Variants in NPC1 observed in about 807,000 individuals in gnomAD.
NPC1 encodes NPC intracellular cholesterol transporter 1, also known as Niemann-Pick C1 protein.
In NPC1, 85 loss-of-function variants were observed where a neutral mutation model predicts 140.4. That is an observed-to-expected ratio of 0.61 (90% CI 0.51 to 0.72). NPC1 has a LOEUF of 0.72. NPC1 is among the 30% of genes least tolerant of loss of function. The pLI, the probability that NPC1 is intolerant of heterozygous loss-of-function variation, is 0.00. For synonymous variants in NPC1, 656 were observed against 624.8 expected (o/e 1.05, Z -0.74); for missense variants, 1,504 against 1,623.8 (o/e 0.93, Z 1.27).
At chr18:23,548,339 CTTT>C (rs34182768) in intron 10 of NPC1, among the ~76,000 whole-genome samples, 54 of 136,148 alleles carry the variant, frequency 4.0e-4, no homozygotes, top group African/African-American at 9.5e-4. Flanking sequence ...AAGAGTAACT[CTTT>C]TTTTTTTTTT....
chr18:23,512,043 C>T (rs2057873744), intron 3 of NPC1, among the ~76,000 whole-genome samples: 2 of 132,782 alleles, frequency 1.5e-5, no homozygotes, highest in Non-Finnish European at 3.1e-5. Flanking sequence ...TTTTCTGAGA[C>T]AGAGTCTCAC....
At chr18:23,506,916 GGTA>G (rs1555624255) in intron 3 of NPC1, 8 of 1,191,496 alleles carry the variant, frequency 6.7e-6, no homozygotes, top group Non-Finnish European at 9.8e-6. Context: ...TTCAATAAAT[GGTA>G]GTAGCTAGAA....
Position 23,532,021 on chromosome 18 carries a change from T to C in NPC1, c.*181A>G. On this transcript the variant is annotated 3_prime_UTR_variant, in exon 25 of 25. Coordinates refer to ENST00000269228, the MANE Select transcript of NPC1 (RefSeq NM_000271.5). Reference sequence around the variant, plus strand: ...CTGTGGTTGCCTCCAGATCTAGTAATACTGCTTCCCAAGTCAACTGTGCAT... The same window carrying C: ...CTGTGGTTGCCTCCAGATCTAGTAACACTGCTTCCCAAGTCAACTGTGCAT... 3 of 1,522,782 alleles carry C rather than the reference T, an allele frequency of 2.0e-6. No homozygotes were observed. In the South Asian group the frequency reaches 3.8e-5, roughly 19 times the overall value. 94.3% of individuals were successfully genotyped at this position (1,522,782 alleles called of 1,614,324 possible). A position where few individuals can be genotyped will look rare whatever the true frequency, so the allele number is the denominator to read the frequency against.
At chr18:23,568,542 G>A (rs1321274966) in intron 4 of NPC1, among the ~76,000 whole-genome samples, 3 of 152,150 alleles carry the variant, frequency 2.0e-5, no homozygotes, top group Non-Finnish European at 4.4e-5. Context: ...TAGAGTCAAA[G>A]ATCCAATGGT....
intron 1 of NPC1, 35 bp from the exon 2 acceptor site, chr18:23,573,609 G>A (rs746851992): frequency 6.2e-7 from 1 of 1,613,466 alleles, no homozygotes; most frequent in African/African-American, 1.3e-5. Flanking sequence ...AGTGTTACCA[G>A]GGTCTCAATG....
At chr18:23,546,273 AAAAAG>A (rs2058788733) in intron 11 of NPC1, among the ~76,000 whole-genome samples, 4 of 151,060 alleles carry the variant, frequency 2.6e-5, no homozygotes, top group Non-Finnish European at 3.0e-5. Context: ...AAAAAAAAAA[AAAAAG>A]AAATGCATTC....
At chr18:23,526,824 C>G, downstream of NPC1, 1 of 1,581,582 alleles carries the variant, frequency 6.3e-7, no homozygotes, top group South Asian at 1.1e-5. Flanking sequence ...CTGCCCAACA[C>G]TTTTTATCGG....
At chr18:23,508,015 C>T in intron 3 of NPC1, 1 of 1,611,056 alleles carries the variant, frequency 6.2e-7, no homozygotes, top group Non-Finnish European at 8.5e-7. Context: ...TGATAATTCC[C>T]AGCTGGAATA....
chr18:23,510,137 A>G (rs1009262179), intron 3 of NPC1, among the ~76,000 whole-genome samples: 2 of 151,918 alleles, frequency 1.3e-5, no homozygotes, highest in African/African-American at 4.8e-5. Flanking sequence ...AGCCAGGCCA[A>G]CATGATGAAA....
rs373882314 is a variant in NPC1, at chr18:23,517,106, T to C, written c.432-10464A>G. 3.9e-5 allele frequency among the ~76,000 whole-genome samples: 6 copies of C among 152,240 alleles called. No homozygotes were observed. In the East Asian group the frequency reaches 1.2e-3, roughly 29 times the overall value. Reference sequence around the variant, plus strand: ...AGATTAAGATTTTATGTAACAGACATGGAACTAAATTACGTATATATAGAG... The same window carrying C: ...AGATTAAGATTTTATGTAACAGACACGGAACTAAATTACGTATATATAGAG... On this transcript the variant is annotated intron_variant, in intron 3 of 3. Coordinates refer to the NPC1 transcript ENST00000591107.
Position 23,544,942 on chromosome 18 carries a change from C to T in NPC1, c.1947+18G>A. The T allele has an allele frequency of 7.4e-7, 1 of 1,345,008 alleles. No individual in the cohort carries two copies. The highest frequency in any genetic ancestry group is 1.0e-6 in the Non-Finnish European group (1 of 970,846). 83.3% of individuals were successfully genotyped at this position (1,345,008 alleles called of 1,614,324 possible). ...TGCTGTTAACCTCTAGAACATACAC[C>T]ACCCCCCCCCGGCTTACCAGAAGCC... On this transcript the variant is annotated intron_variant, in intron 12 of 24. Transcript: ENST00000269228.
chr18:23,570,639 A>G (rs1423328397), intron 3 of NPC1, among the ~76,000 whole-genome samples: 2 of 152,224 alleles, frequency 1.3e-5, no homozygotes, highest in Non-Finnish European at 2.9e-5. Context: ...TTGCTTCCCA[A>G]ACATCTTTAT....
Position 23,534,539 on chromosome 18 carries a change from C to T in NPC1, c.3498G>A (p.Glu1166=), listed in dbSNP as rs1263213275. The change falls in exon 23 of 25, where the codon GAG becomes GAA. Residue 1166 remains glutamate (E), a synonymous_variant. Coordinates refer to ENST00000269228, the MANE Select transcript of NPC1 (RefSeq NM_000271.5). ...NLVMSCGISV[E]FCSHITRAFT... ...ACGCTCTGGTTATGTGGCTGCAGAACTCCACGGAGATGCCACAGCTCTGAA... is the reference window on the plus strand; with the variant it reads ...ACGCTCTGGTTATGTGGCTGCAGAATTCCACGGAGATGCCACAGCTCTGAA... 2 of 1,614,034 alleles carry T rather than the reference C, an allele frequency of 1.2e-6. No individual in the cohort carries two copies. The highest frequency in any genetic ancestry group is 1.7e-6 in the Non-Finnish European group (2 of 1,179,946).
Position 23,531,743 on chromosome 18 carries a change from GTTAAT to G in NPC1, c.*454_*458del, listed in dbSNP as rs2058516611. ...TTTTTTATATAAAAATGTGTACAAA[GTTAAT>G]TTATTGCATTAATAAAGCTCTTTAA... On this transcript the variant is annotated 3_prime_UTR_variant, in exon 25 of 25. Transcript: ENST00000269228. 1 of 1,589,754 alleles carries G rather than the reference GTTAAT, an allele frequency of 6.3e-7. No homozygotes were observed. Among genetic ancestry groups the G allele is most frequent in the South Asian group, 1.2e-5 (1 of 86,188 alleles).
At chr18:23,529,397 G>C (rs772488961), downstream of NPC1, 5 of 1,483,680 alleles carry the variant, frequency 3.4e-6, no homozygotes, top group Non-Finnish European at 4.5e-6. Context: ...CACTTGAAGT[G>C]ATTAGAATCA....
In NPC1 at chr18:23,531,794, G is replaced by A. The variant is rs760656833; in HGVS notation, c.*408C>T. The A allele has an allele frequency of 1.7e-5, 26 of 1,541,530 alleles. No homozygotes were observed. The highest frequency in any genetic ancestry group is 4.2e-5 in the African/African-American group (3 of 71,506). ...TTTAAACTATAAAATGTTATAAAGT[G>A]TATCTACAACCTCAACTGTCACTAA... On this transcript the variant is annotated 3_prime_UTR_variant, in exon 25 of 25. Coordinates refer to ENST00000269228, the MANE Select transcript of NPC1 (RefSeq NM_000271.5).
chr18:23,542,256 C>CT (rs10711695), intron 14 of NPC1, among the ~76,000 whole-genome samples: 2,099 of 137,150 alleles, frequency 0.015, 25 homozygotes, highest in African/African-American at 0.039. Context: ...AAAGTTTTTT[C>CT]TTTTTTTTTT....
At chr18:23,543,333 AAAAAAAAAAAAAAG>A (rs1334347508) in intron 14 of NPC1, 108 bp downstream of exon 14, 17 of 250,462 alleles carry the variant, frequency 6.8e-5, no homozygotes, top group African/African-American at 1.3e-4. Flanking sequence ...CGTCTCAGAG[AAAAAAAAAAAAAAG>A]AAAAAAAAAA....
chr18:23,522,020 G>A (rs545339664), downstream of NPC1, among the ~76,000 whole-genome samples: 94 of 152,334 alleles, frequency 6.2e-4, no homozygotes, highest in South Asian at 2.7e-3. Context: ...CATTGGGCGG[G>A]TTGACCCAGC....
Sources: allele counts gnomAD v4.1 joint callset (sites outside exome capture counted in the v4.1 genomes callset), GRCh38; gene constraint gnomAD v4.1.1; transcripts MANE v1.5; gene names NCBI Gene and HGNC (gene_info 2026-07-23, HGNC 2026-07-21).